Variants in NTRK2 observed in about 807,000 individuals in gnomAD.
NTRK2 encodes neurotrophic receptor tyrosine kinase 2.
Under a neutral mutation model 94.5 loss-of-function variants are expected in NTRK2, and 13 were observed. The ratio of observed to expected loss-of-function variants is 0.14; its 90% CI spans 0.09 to 0.22. NTRK2 has a LOEUF of 0.22. Ranked by LOEUF, NTRK2 falls within the 10% of genes least tolerant of loss-of-function variation. NTRK2 has a pLI of 1.00. For synonymous variants in NTRK2, 372 were observed against 407.4 expected (o/e 0.91, Z 1.05); for missense variants, 639 against 1,071.2 (o/e 0.60, Z 5.63).
intron 15 of NTRK2, among the ~76,000 whole-genome samples, chr9:84,944,376 C>T (rs535718953): frequency 3.9e-5 from 6 of 152,080 alleles, no homozygotes; most frequent in African/African-American, 1.4e-4. Flanking sequence ...CATTCTCCTG[C>T]CTCAGCCTCC....
rs779710491 is a variant in NTRK2, at chr9:85,026,713, C to A, written c.*5276C>A. ...TGTTTGTATATATCCAGGCCGTATACACACACATTTCCATATCTCTCTACA... is the reference window on the plus strand; with the variant it reads ...TGTTTGTATATATCCAGGCCGTATAAACACACATTTCCATATCTCTCTACA... On this transcript the variant is annotated 3_prime_UTR_variant, in exon 19 of 19. Coordinates refer to ENST00000277120, the MANE Select transcript of NTRK2 (RefSeq NM_006180.6). The A allele has an allele frequency of 8.6e-6, 2 of 232,880 alleles. No homozygotes were observed. Among genetic ancestry groups the A allele is most frequent in the Non-Finnish European group, 1.7e-5 (2 of 117,910 alleles). The allele number at this position is 232,880 out of a possible 1,614,324, so 14.4% of individuals were successfully genotyped here. A position where few individuals can be genotyped will look rare whatever the true frequency, so the allele number is the denominator to read the frequency against.
intron 15 of NTRK2, among the ~76,000 whole-genome samples, chr9:84,942,024 G>T (rs965392208): frequency 3.3e-5 from 5 of 152,148 alleles, no homozygotes; most frequent in Admixed American, 1.3e-4. Flanking sequence ...ATATGAGGTT[G>T]TCACTTGGTA....
At chr9:84,745,581 A>G (rs1294485834) in intron 11 of NTRK2, among the ~76,000 whole-genome samples, 1 of 152,198 alleles carries the variant, frequency 6.6e-6, no homozygotes, top group South Asian at 2.1e-4. Context: ...AGGCAGTACA[A>G]GAGATAGAAG....
intron 6 of NTRK2, among the ~76,000 whole-genome samples, chr9:84,714,944 T>C (rs540553077): frequency 1.4e-3 from 206 of 152,326 alleles, no homozygotes; most frequent in African/African-American, 4.9e-3. Flanking sequence ...TTGCAATTGG[T>C]ACTATTTTTA....
intron 8 of NTRK2, among the ~76,000 whole-genome samples, chr9:84,726,197 TAAC>T (rs1564134688): frequency 6.6e-6 from 1 of 152,164 alleles, no homozygotes; most frequent in Non-Finnish European, 1.5e-5. Context: ...TAAATAATAT[TAAC>T]AACTGGCTGG....
intron 9 of NTRK2, among the ~76,000 whole-genome samples, chr9:84,730,516 G>A (rs1202858732): frequency 3.0e-5 from 4 of 131,152 alleles, no homozygotes; most frequent in East Asian, 4.3e-4. Context: ...CGAGGCGGGC[G>A]GATCACGAGG....
At chr9:84,900,345 G>A (rs949674513) in intron 14 of NTRK2, among the ~76,000 whole-genome samples, 3 of 152,198 alleles carry the variant, frequency 2.0e-5, no homozygotes, top group African/African-American at 7.2e-5. Context: ...TCTGCTCATT[G>A]ACTCTGTTTC....
rs563150080 is a variant in NTRK2 at position 84,965,664 on chromosome 9, G to A, written c.2172+10147G>A. Reference sequence around the variant, plus strand: ...TTGAACTCCACATGCCTCACAGAATGGTAGGCACTTCCTAAGTTCTTACAG... The same window carrying A: ...TTGAACTCCACATGCCTCACAGAATAGTAGGCACTTCCTAAGTTCTTACAG... On this transcript the variant is annotated intron_variant, in intron 17 of 18. Transcript: ENST00000277120. Among the ~76,000 whole-genome samples the A allele has an allele frequency of 9.8e-5, 15 of 152,300 alleles. No individual in the cohort carries two copies. In the South Asian group the frequency reaches 3.1e-3, roughly 32 times the overall value.
chr9:84,786,886 A>G (rs968851414), intron 12 of NTRK2, among the ~76,000 whole-genome samples: 1 of 152,194 alleles, frequency 6.6e-6, no homozygotes, highest in Admixed American at 6.5e-5. Flanking sequence ...CTCGATTTTC[A>G]TCTTTTTAAA....
intron 17 of NTRK2, among the ~76,000 whole-genome samples, chr9:85,009,757 G>A (rs1484988652): frequency 2.0e-5 from 3 of 152,114 alleles, no homozygotes; most frequent in Admixed American, 6.5e-5. Flanking sequence ...ATCAGAGATA[G>A]CAGAAAAGAA....
intron 12 of NTRK2, among the ~76,000 whole-genome samples, chr9:84,754,110 C>T (rs1014965011): frequency 1.3e-5 from 2 of 152,162 alleles, no homozygotes; most frequent in Admixed American, 1.3e-4. Flanking sequence ...GGGGTGATTA[C>T]CACTAAAGCG....
intron 17 of NTRK2, among the ~76,000 whole-genome samples, chr9:84,976,244 T>G (rs1371998265): frequency 1.3e-5 from 2 of 152,166 alleles, no homozygotes; most frequent in East Asian, 3.9e-4. Flanking sequence ...TGGTGAGGGC[T>G]CTCTTCTTGG....
intron 15 of NTRK2, among the ~76,000 whole-genome samples, chr9:84,936,808 A>G (rs868527747): frequency 6.6e-6 from 1 of 152,156 alleles, no homozygotes; most frequent in Non-Finnish European, 1.5e-5. Context: ...AATTCATTCT[A>G]ACTTCATGGT....
chr9:84,895,819 G>T (rs967184385), intron 14 of NTRK2, among the ~76,000 whole-genome samples: 1 of 152,168 alleles, frequency 6.6e-6, no homozygotes, highest in East Asian at 1.9e-4. Context: ...TGCATGGAGG[G>T]GGTTTAGGGA....
intron 14 of NTRK2, chr9:84,877,739 T>C (rs1302652485): frequency 1.9e-6 from 2 of 1,057,974 alleles, no homozygotes; most frequent in African/African-American, 3.3e-5. Context: ...GTTCAGAAAC[T>C]CCAGGGCTTG....
In NTRK2 at chr9:85,022,488, G is replaced by C. The variant is rs1832831971; in HGVS notation, c.*1051G>C. 4.3e-6 allele frequency: 1 copy of C among 233,120 alleles called. No homozygotes were observed. Among genetic ancestry groups the C allele is most frequent in the Non-Finnish European group, 8.5e-6 (1 of 118,030 alleles). The allele number at this position is 233,120 out of a possible 1,614,324, so 14.4% of individuals were successfully genotyped here. On this transcript the variant is annotated 3_prime_UTR_variant, in exon 19 of 19. Transcript: ENST00000277120. ...CAGAGCTCATTTCGGGGTCAGGTGG[G>C]AAAGCCAAGAACTTGGAAAAGATAA...
chr9:84,709,260 GTGT>G (rs978679277), intron 5 of NTRK2, among the ~76,000 whole-genome samples: 10 of 152,316 alleles, frequency 6.6e-5, no homozygotes, highest in Admixed American at 6.5e-4. Flanking sequence ...CACCAGTGTT[GTGT>G]TGTCATATGA....
rs1360196810 is a variant in NTRK2 at position 84,723,623 on chromosome 9, A to G, written c.634A>G (p.Lys212Glu). The change falls in exon 7 of 19, where the codon AAG becomes GAG. Residue 212 changes from lysine (K) to glutamate (E), a missense_variant. By Grantham distance (56) the Lys-to-Glu change is moderately conservative (BLOSUM62 1). Coordinates refer to ENST00000277120, the MANE Select transcript of NTRK2 (RefSeq NM_006180.6). ...AAPNLTVEEG[K>E]SITLSCSVAG... The stretch of plus-strand genomic sequence containing the variant: ...ACCTAACCTCACTGTGGAGGAAGGA[A>G]AGTCTATCACATTATCCTGTAGTGT... 2 of 1,614,012 alleles carry G rather than the reference A, an allele frequency of 1.2e-6. No homozygotes were observed. The highest frequency in any genetic ancestry group is 1.7e-6 in the Non-Finnish European group (2 of 1,179,992).
At chr9:84,924,285 AAG>A (rs910140152) in intron 14 of NTRK2, among the ~76,000 whole-genome samples, 1 of 145,988 alleles carries the variant, frequency 6.8e-6, no homozygotes, top group Admixed American at 6.9e-5. Context: ...GAAAGAAAGA[AAG>A]AAAGAAAGAG....
Sources: gnomAD v4.1 joint callset for allele counts (sites outside exome capture counted in the v4.1 genomes callset) on GRCh38, gnomAD v4.1.1 for gene constraint, MANE v1.5 for transcripts, NCBI Gene and HGNC (gene_info 2026-07-23, HGNC 2026-07-21) for gene names.